The following NPFFR2 variants were observed in gnomAD, a reference collection of about 807,000 sequenced individuals.
NPFFR2 encodes neuropeptide FF receptor 2.
A neutral mutation model predicts 13.1 loss-of-function variants in NPFFR2; 15 were observed. The ratio of observed to expected loss-of-function variants is 1.15; its 90% CI spans 0.77 to 1.76. The LOEUF (loss-of-function observed/expected upper bound fraction) is 1.76, where lower values mean the gene tolerates loss of function less well. Ranked by LOEUF, NPFFR2 falls within the 40% of genes most tolerant of loss-of-function variation. NPFFR2 has a pLI of 0.00. For missense variants in NPFFR2, 572 were observed against 503.5 expected (o/e 1.14, Z -1.30); for synonymous variants, 190 against 175.7 (o/e 1.08, Z -0.65).
At chr4:72,110,296 G>T (rs1407525669) in intron 1 of NPFFR2, among the ~76,000 whole-genome samples, 1 of 151,984 alleles carries the variant, frequency 6.6e-6, no homozygotes, top group Non-Finnish European at 1.5e-5. Flanking sequence ...TGCGATGATT[G>T]TAAGTTTCCT....
chr4:72,121,894 C>T (rs1247968091), intron 1 of NPFFR2, among the ~76,000 whole-genome samples: 1 of 152,102 alleles, frequency 6.6e-6, no homozygotes. Context: ...AAAATTCACA[C>T]ATATCAATAT....
At chr4:72,060,715 T>A (rs1293133736) in intron 1 of NPFFR2, among the ~76,000 whole-genome samples, 2 of 152,088 alleles carry the variant, frequency 1.3e-5, no homozygotes, top group African/African-American at 4.8e-5. Context: ...GTCATTCTTA[T>A]TATTATTTGG....
intron 1 of NPFFR2, among the ~76,000 whole-genome samples, chr4:72,074,981 T>C (rs1037070895): frequency 6.6e-6 from 1 of 152,154 alleles, no homozygotes; most frequent in Non-Finnish European, 1.5e-5. Context: ...ATAAATATGT[T>C]TATTTTTTGT....
intron 1 of NPFFR2, among the ~76,000 whole-genome samples, chr4:72,047,801 T>G (rs901200394): frequency 6.6e-6 from 1 of 152,166 alleles, no homozygotes; most frequent in Non-Finnish European, 1.5e-5. Context: ...TAGCCTTCTT[T>G]CCACTCATCT....
chr4:72,135,214 T>C (rs1034516959), intron 2 of NPFFR2, among the ~76,000 whole-genome samples: 1 of 152,212 alleles, frequency 6.6e-6, no homozygotes, highest in Non-Finnish European at 1.5e-5. Context: ...TTATCCCTAA[T>C]GTTCTCAATT....
At chr4:72,057,321 A>G (rs1719781319) in intron 1 of NPFFR2, among the ~76,000 whole-genome samples, 1 of 151,934 alleles carries the variant, frequency 6.6e-6, no homozygotes, top group Non-Finnish European at 1.5e-5. Context: ...GGCTTAAAAC[A>G]ATAGAAATTT....
In NPFFR2 at chr4:72,100,157, G is replaced by T. The variant is rs1721198267; in HGVS notation, c.-7-28428G>T. 2.0e-5 allele frequency among the ~76,000 whole-genome samples: 3 copies of T among 151,972 alleles called. No individual in the cohort carries two copies. In the South Asian group the frequency reaches 6.2e-4, roughly 32 times the overall value. On this transcript the variant is annotated intron_variant, in intron 1 of 3. Coordinates refer to ENST00000308744, the MANE Select transcript of NPFFR2 (RefSeq NM_004885.3). The stretch of plus-strand genomic sequence containing the variant: ...ATTAATCATTTTTCATTCTAAAGAT[G>T]ACTATAAGAAGTACAAGAAAAACAT...
At chr4:72,062,722 C>G (rs1198528137) in intron 1 of NPFFR2, among the ~76,000 whole-genome samples, 1 of 152,156 alleles carries the variant, frequency 6.6e-6, no homozygotes, top group Admixed American at 6.5e-5. Context: ...TGCTCCTCTG[C>G]CTTTATCATG....
At chr4:72,094,441 G>C (rs1225814874) in intron 1 of NPFFR2, among the ~76,000 whole-genome samples, 1 of 152,168 alleles carries the variant, frequency 6.6e-6, no homozygotes, top group Non-Finnish European at 1.5e-5. Context: ...TTTGTCTTCA[G>C]CTACCAGGGC....
intron 2 of NPFFR2, among the ~76,000 whole-genome samples, chr4:72,130,842 C>G (rs1199641535): frequency 6.6e-6 from 1 of 152,202 alleles, no homozygotes; most frequent in African/African-American, 2.4e-5. Flanking sequence ...CATTTTGCAC[C>G]TGTCCTCTTG....
chr4:72,138,092 A>G lies in NPFFR2; in HGVS notation c.381A>G (p.Ile127Met), dbSNP rs781229910. Residue 127 changes from isoleucine to methionine, a missense_variant, in exon 3 of 4, where the codon ATA becomes ATG. Transcript: ENST00000308744. ...AGATCAGTGGATTGGTCCAGGGAAT[A>G]TCTGTCGCAGCTTCAGTCTTTACGT... ...MCKISGLVQG[I>M]SVAASVFTLV... 2.5e-6 allele frequency: 4 copies of G among 1,613,708 alleles called. No individual in the cohort carries two copies. Among genetic ancestry groups the G allele is most frequent in the Non-Finnish European group, 3.4e-6 (4 of 1,179,812 alleles).
At position 72,138,137 on chromosome 4, in the gene NPFFR2, T is replaced by G. The variant is rs759104254; in HGVS notation, c.426T>G (p.Asp142Glu). 6.2e-7 allele frequency: 1 copy of G among 1,610,040 alleles called. No individual in the cohort carries two copies. The highest frequency in any genetic ancestry group is 1.1e-5 in the South Asian group (1 of 90,950). ...SVFTLVAIAVDRFQCVVYPFK... is the reference protein window; with the variant it reads ...SVFTLVAIAVERFQCVVYPFK... ...TTACGTTAGTTGCAATTGCTGTAGA[T>G]AGGTAAGTCTGCACCAAACTCTGAA... is the stretch of plus-strand genomic sequence containing the variant. The change falls in exon 3 of 4, where the codon GAT (aspartate) becomes GAG (glutamate). Residue 142 changes from aspartate (D) to glutamate (E), a missense_variant and splice_region_variant. Coordinates refer to ENST00000308744, the MANE Select transcript of NPFFR2 (RefSeq NM_004885.3).
chr4:72,083,587 C>G (rs1240050692), intron 1 of NPFFR2, among the ~76,000 whole-genome samples: 2 of 152,134 alleles, frequency 1.3e-5, no homozygotes, highest in Non-Finnish European at 2.9e-5. Context: ...TTCTCAATTT[C>G]TTTTGCTGGA....
chr4:72,148,066 A>C lies in NPFFR2; in HGVS notation c.*254A>C. The C allele has an allele frequency of 2.8e-6, 1 of 353,800 alleles. No individual in the cohort carries two copies. Among genetic ancestry groups the C allele is most frequent in the East Asian group, 4.9e-5 (1 of 20,440 alleles). The allele number at this position is 353,800 out of a possible 1,614,324, so 21.9% of individuals were successfully genotyped here. On this transcript the variant is annotated 3_prime_UTR_variant, in exon 4 of 4. Transcript: ENST00000308744. ...ATATATTTCTAGAGAACAGTTTACA[A>C]AGCCTCATCTTTCCAAACTTAACCA... is the stretch of plus-strand genomic sequence containing the variant.
At position 72,147,492 on chromosome 4, in the gene NPFFR2, T is replaced by C; in HGVS notation, c.943T>C (p.Tyr315His). The change falls in exon 4 of 4, where the codon TAC (tyrosine) becomes CAC (histidine). Residue 315 changes from tyrosine to histidine, a missense_variant. Physicochemically the swap from Tyr to His is moderately conservative, Grantham distance 83 (BLOSUM62 2). Coordinates refer to ENST00000308744, the MANE Select transcript of NPFFR2 (RefSeq NM_004885.3). ...ACTGCAGATCATCAACATCTACATC[T>C]ACCCTTTTGCACACTGGCTGGCATT... ...NELQIINIYI[Y>H]PFAHWLAFGN... The C allele has an allele frequency of 1.2e-6, 2 of 1,614,214 alleles. No individual in the cohort carries two copies. Among genetic ancestry groups the C allele is most frequent in the South Asian group, 2.2e-5 (2 of 91,090 alleles).
At chr4:72,100,512 A>G (rs1721209504) in intron 1 of NPFFR2, among the ~76,000 whole-genome samples, 1 of 152,044 alleles carries the variant, frequency 6.6e-6, no homozygotes, top group Admixed American at 6.6e-5. Context: ...ATCAGCAGCA[A>G]ATTTCTGACT....
At chr4:72,071,062 A>G (rs905002056) in intron 1 of NPFFR2, among the ~76,000 whole-genome samples, 4 of 152,182 alleles carry the variant, frequency 2.6e-5, no homozygotes, top group African/African-American at 9.6e-5. Flanking sequence ...AAAGCAAATA[A>G]TGTTGAACAT....
At chr4:72,078,997 T>C (rs1720522023) in intron 1 of NPFFR2, among the ~76,000 whole-genome samples, 1 of 151,970 alleles carries the variant, frequency 6.6e-6, no homozygotes, top group South Asian at 2.1e-4. Context: ...AAAACTGTTA[T>C]TTTGACTGTA....
intron 1 of NPFFR2, among the ~76,000 whole-genome samples, chr4:72,104,878 T>C (rs1172269190): frequency 6.6e-6 from 1 of 151,848 alleles, no homozygotes; most frequent in Non-Finnish European, 1.5e-5. Context: ...TTAGGTGCCA[T>C]AGGAAATTGA....
Sources: gnomAD v4.1 joint callset for allele counts (sites outside exome capture counted in the v4.1 genomes callset) on GRCh38, gnomAD v4.1.1 for gene constraint, MANE v1.5 for transcripts, NCBI Gene and HGNC (gene_info 2026-07-23, HGNC 2026-07-21) for gene names.